MORF4L1: variants seen among roughly 807,000 people sequenced by gnomAD.
MORF4L1 encodes mortality factor 4-like protein 1.
MORF4L1 carries 4 observed loss-of-function variants against 52.9 expected under a neutral mutation model. That is an observed-to-expected ratio of 0.08 (90% CI 0.04 to 0.17). The LOEUF is 0.17. MORF4L1 is among the 10% of genes least tolerant of loss of function. MORF4L1 has a pLI of 1.00. For missense variants in MORF4L1, 214 were observed against 390.4 expected, an observed-to-expected ratio of 0.55 and a Z score of 3.81; for synonymous variants, 123 against 134.8, an observed-to-expected ratio of 0.91 and a Z score of 0.61.
rs1243739350 is a variant in MORF4L1, at chr15:78,873,010, A to C, written c.-8A>C. 1.9e-6 allele frequency: 3 copies of C among 1,551,206 alleles called. No homozygotes were observed. Among genetic ancestry groups the C allele is most frequent in the African/African-American group, 1.4e-5 (1 of 73,326 alleles). On this transcript the variant is annotated 5_prime_UTR_variant, in exon 1 of 12. Coordinates refer to ENST00000426013, the MANE Select transcript of MORF4L1 (RefSeq NM_006791.4). Reference sequence around the variant, plus strand: ...TGGGAGAAGGAGGAGGCGGCGAATCACTTATAAATGGCGCCGAAGCAGGAC... The same window carrying C: ...TGGGAGAAGGAGGAGGCGGCGAATCCCTTATAAATGGCGCCGAAGCAGGAC...
At position 78,872,913 on chromosome 15, in the gene MORF4L1, T is replaced by C; in HGVS notation, c.-105T>C. On this transcript the variant is annotated 5_prime_UTR_variant, in exon 1 of 12. Coordinates refer to ENST00000426013, the MANE Select transcript of MORF4L1 (RefSeq NM_006791.4). Reference sequence around the variant, plus strand: ...GCAAATCCGGCCCAGGATGTAGAGCTGGCAGTGCCTGACGGCGCGTCTGAC... The same window carrying C: ...GCAAATCCGGCCCAGGATGTAGAGCCGGCAGTGCCTGACGGCGCGTCTGAC... The C allele has an allele frequency of 6.8e-7, 1 of 1,477,350 alleles. No individual in the cohort carries two copies. The highest frequency in any genetic ancestry group is 1.3e-5 in the South Asian group (1 of 77,122). The allele number at this position is 1,477,350 out of a possible 1,614,324, so 91.5% of individuals were successfully genotyped here.
chr15:78,890,348 A>C (rs1395178641), intron 5 of MORF4L1, among the ~76,000 whole-genome samples: 2 of 152,230 alleles, frequency 1.3e-5, no homozygotes, highest in Non-Finnish European at 2.9e-5. Flanking sequence ...TTTGGGGAAC[A>C]AAAATAATTG....
chr15:78,873,303 C>G, intron 1 of MORF4L1: 1 of 1,253,148 alleles, frequency 8.0e-7, no homozygotes, highest in Non-Finnish European at 1.1e-6. Context: ...GCGCGTGGCA[C>G]ACCCTCGTCA....
At chr15:78,876,544 T>G (rs2056495445) in intron 1 of MORF4L1, 1 of 455,852 alleles carries the variant, frequency 2.2e-6, no homozygotes, top group African/African-American at 2.0e-5. Context: ...TCGGTTTCAG[T>G]GCACTTTTTT....
intron 5 of MORF4L1, among the ~76,000 whole-genome samples, chr15:78,887,911 G>A (rs2056734733): frequency 6.6e-6 from 1 of 152,022 alleles, no homozygotes; most frequent in Non-Finnish European, 1.5e-5. Context: ...CCCAAGTAGC[G>A]GGGATTACAG....
intron 1 of MORF4L1, 195 bp downstream of exon 1, chr15:78,873,252 A>C: frequency 3.3e-6 from 5 of 1,499,290 alleles, no homozygotes; most frequent in Non-Finnish European, 4.4e-6. Flanking sequence ...TTGTGAAGCG[A>C]GAGTGCTGCG....
At chr15:78,886,082 G>A (rs2056698128) in intron 3 of MORF4L1, 59 bp from the exon 4 acceptor site, 1 of 1,336,508 alleles carries the variant, frequency 7.5e-7, no homozygotes, top group East Asian at 2.3e-5. Flanking sequence ...CTTGATCTCA[G>A]AAAATTAGTT....
At chr15:78,888,553 A>AT (rs1483859629) in intron 5 of MORF4L1, among the ~76,000 whole-genome samples, 1 of 152,160 alleles carries the variant, frequency 6.6e-6, no homozygotes, top group Non-Finnish European at 1.5e-5. Flanking sequence ...TATAACTTTT[A>AT]TTAAGAGGTC....
At position 78,879,195 on chromosome 15, in the gene MORF4L1, ACTCT is replaced by A. The variant is rs371479414; in HGVS notation, c.87+945_87+948del. ...AGGCCAGTTTGGGCAACCAAGCGAGACTCTCTCTCTCTTTATTTTTATGCTCCCC... is the reference window on the plus strand; with the variant it reads ...AGGCCAGTTTGGGCAACCAAGCGAGACTCTCTCTTTATTTTTATGCTCCCC... On this transcript the variant is annotated intron_variant, in intron 2 of 11. Transcript: ENST00000426013. Among the ~76,000 whole-genome samples, 5 of 151,666 alleles carry A rather than the reference ACTCT, an allele frequency of 3.3e-5. 1 individual carries two copies. Among genetic ancestry groups the A allele is most frequent in the African/African-American group, 9.7e-5 (4 of 41,312 alleles).
chr15:78,884,980 C>T lies in MORF4L1; in HGVS notation c.156-1161C>T, dbSNP rs201932899. ...TGTCTGTATCAGAAGTGCTGTGAGG[C>T]CCAGGCGCTCTGAAAAATCTTTGAA... is the stretch of plus-strand genomic sequence containing the variant. On this transcript the variant is annotated intron_variant, in intron 3 of 11. Transcript: ENST00000426013. 7.4e-6 allele frequency: 12 copies of T among 1,613,636 alleles called. 1 individual carries two copies. The African/African-American group carries it at 9.3e-5, about 13-fold the overall frequency.
chr15:78,897,827 T>G lies in MORF4L1; in HGVS notation c.*760T>G, dbSNP rs1029964166. On this transcript the variant is annotated 3_prime_UTR_variant, in exon 12 of 12. Coordinates refer to ENST00000426013, the MANE Select transcript of MORF4L1 (RefSeq NM_006791.4). The stretch of plus-strand genomic sequence containing the variant: ...ACAGTGGTTTTTCAGGTGCGTGCTT[T>G]GTTTTCTGGTATGGCCTTTATGGAA... The G allele has an allele frequency of 2.6e-5, 4 of 152,644 alleles. No individual in the cohort carries two copies. The highest frequency in any genetic ancestry group is 9.6e-5 in the African/African-American group (4 of 41,472). The allele number at this position is 152,644 out of a possible 1,614,324, so 9.5% of individuals were successfully genotyped here.
chr15:78,878,498 G>A (rs1209685034), intron 2 of MORF4L1, among the ~76,000 whole-genome samples: 1 of 152,146 alleles, frequency 6.6e-6, no homozygotes, highest in Admixed American at 6.5e-5. Flanking sequence ...AGCATTTGAG[G>A]GGAATGTTAG....
chr15:78,885,847 T>G (rs139847622), intron 3 of MORF4L1, among the ~76,000 whole-genome samples: 1 of 152,358 alleles, frequency 6.6e-6, no homozygotes, highest in African/African-American at 2.4e-5. Flanking sequence ...ATAAGACTAA[T>G]CACTTAGTGA....
intron 5 of MORF4L1, among the ~76,000 whole-genome samples, chr15:78,887,891 G>T (rs1410945653): frequency 6.6e-6 from 1 of 152,136 alleles, no homozygotes; most frequent in African/African-American, 2.4e-5. Context: ...TGATTCTCCT[G>T]CCTCAGCCTC....
At chr15:78,873,100 A>ATAGAGGCGGGCTCGAGGT in intron 1 of MORF4L1, 43 bp downstream of exon 1, 1 of 1,548,258 alleles carries the variant, frequency 6.5e-7, no homozygotes, top group Non-Finnish European at 8.7e-7. Context: ...ACGGCGCAGG[A>ATAGAGGCGGGCTCGAGGT]GATAGAGGCG....
chr15:78,878,301 T>TCAAA, intron 2 of MORF4L1, 42 bp downstream of exon 2: 1 of 1,567,616 alleles, frequency 6.4e-7, no homozygotes, highest in South Asian at 1.2e-5. Flanking sequence ...CCAAAACTAC[T>TCAAA]GGTTAGATCT....
intron 1 of MORF4L1, chr15:78,876,493 A>G (rs141062801): frequency 6.1e-4 from 276 of 455,098 alleles, no homozygotes; most frequent in African/African-American, 5.2e-3. Flanking sequence ...TTTTTCAACA[A>G]AATACTAGGG....
intron 6 of MORF4L1, 77 bp downstream of exon 6, chr15:78,891,091 AT>A: frequency 1.4e-6 from 2 of 1,397,782 alleles, no homozygotes; most frequent in Non-Finnish European, 2.0e-6. Flanking sequence ...AAGCTATGAA[AT>A]TTTGGAGTAA....
chr15:78,880,209 GCTC>G (rs1184815994), intron 2 of MORF4L1, among the ~76,000 whole-genome samples: 2 of 152,126 alleles, frequency 1.3e-5, no homozygotes, highest in African/African-American at 4.8e-5. Flanking sequence ...AATAAATATA[GCTC>G]CTGGCTGATT....
Sources: allele counts gnomAD v4.1 joint callset (sites outside exome capture counted in the v4.1 genomes callset), GRCh38; gene constraint gnomAD v4.1.1; transcripts MANE v1.5; gene names NCBI Gene and HGNC (gene_info 2026-07-23, HGNC 2026-07-21).